The following CLSTN2 variants were observed in gnomAD, a reference collection of about 807,000 sequenced individuals.
CLSTN2 encodes the protein calsyntenin 2, also known as calsyntenin-2.
A neutral mutation model predicts 101.2 loss-of-function variants in CLSTN2; 48 were observed. The observed-to-expected ratio is 0.47, with a 90% CI of 0.38 to 0.60. CLSTN2 has a LOEUF of 0.60. Ranked by LOEUF, CLSTN2 falls within the 20% of genes least tolerant of loss-of-function variation. The pLI, the probability that CLSTN2 is intolerant of heterozygous loss-of-function variation, is 0.00. For synonymous variants in CLSTN2, 481 were observed against 463.6 expected (o/e 1.04, Z -0.48); for missense variants, 1,160 against 1,238.2 (o/e 0.94, Z 0.95).
intron 1 of CLSTN2, 87 bp from the exon 2 acceptor site, chr3:140,175,864 G>A (rs919266001): frequency 7.8e-7 from 1 of 1,289,198 alleles, no homozygotes; most frequent in African/African-American, 1.5e-5. Flanking sequence ...GTCTATGATT[G>A]GGCAAATATA....
rs2010675511 is a variant in CLSTN2 at position 140,198,415 on chromosome 3, C to T, written c.232+22342C>T. ...TGACTGGGCCCTCTGTTCACAGTCT[C>T]ACCCAGCTGAAAGAAAGGCTTTGGC... On this transcript the variant is annotated intron_variant, in intron 2 of 16. Coordinates refer to ENST00000458420, the MANE Select transcript of CLSTN2 (RefSeq NM_022131.3). Among the ~76,000 whole-genome samples, 3 of 152,296 alleles carry T rather than the reference C, an allele frequency of 2.0e-5. No individual in the cohort carries two copies. In the South Asian group the frequency reaches 6.2e-4, roughly 32 times the overall value.
intron 1 of CLSTN2, among the ~76,000 whole-genome samples, chr3:140,135,045 A>G (rs1397484030): frequency 4.2e-5 from 6 of 142,858 alleles, no homozygotes; most frequent in Non-Finnish European, 7.6e-5. Flanking sequence ...TTTCAAGAGG[A>G]TGTTTCACAT....
At chr3:139,970,399 TG>T (rs1935675648) in intron 1 of CLSTN2, among the ~76,000 whole-genome samples, 1 of 152,184 alleles carries the variant, frequency 6.6e-6, no homozygotes, top group Non-Finnish European at 1.5e-5. Context: ...CCACAGTACT[TG>T]GCATCATATC....
intron 1 of CLSTN2, among the ~76,000 whole-genome samples, chr3:140,005,309 A>C (rs928762140): frequency 3.3e-5 from 5 of 152,204 alleles, no homozygotes; most frequent in African/African-American, 1.2e-4. Context: ...CAGATCTTCC[A>C]CGCTTGTGTT....
intron 8 of CLSTN2, among the ~76,000 whole-genome samples, chr3:140,504,054 T>C (rs1262006061): frequency 2.0e-5 from 3 of 152,282 alleles, no homozygotes; most frequent in Middle Eastern, 6.8e-3. Context: ...CCCTCTAAAA[T>C]AGTCTTCAGT....
intron 2 of CLSTN2, among the ~76,000 whole-genome samples, chr3:140,217,237 G>T (rs1351318561): frequency 1.8e-5 from 2 of 113,680 alleles, no homozygotes; most frequent in Non-Finnish European, 3.7e-5. Flanking sequence ...TTAGAGAACA[G>T]TTTATTTTTA....
intron 2 of CLSTN2, among the ~76,000 whole-genome samples, chr3:140,233,192 T>C (rs918695694): frequency 2.0e-5 from 3 of 152,212 alleles, no homozygotes; most frequent in Admixed American, 6.5e-5. Flanking sequence ...TCTCTGGTTC[T>C]GCACTTGCAT....
At chr3:139,979,105 C>T (rs1334497261) in intron 1 of CLSTN2, among the ~76,000 whole-genome samples, 1 of 152,136 alleles carries the variant, frequency 6.6e-6, no homozygotes, top group African/African-American at 2.4e-5. Context: ...GCCTAGAGAA[C>T]TGTGAGAGCT....
At chr3:140,437,025 G>A (rs886817531) in intron 5 of CLSTN2, among the ~76,000 whole-genome samples, 10 of 149,960 alleles carry the variant, frequency 6.7e-5, no homozygotes, top group African/African-American at 2.5e-4. Flanking sequence ...AAGGAGCAGG[G>A]ACCTTCTACC....
At chr3:140,520,630 C>G (rs1023300857) in intron 8 of CLSTN2, among the ~76,000 whole-genome samples, 9 of 152,162 alleles carry the variant, frequency 5.9e-5, no homozygotes, top group Admixed American at 4.6e-4. Flanking sequence ...CACAGCCAAA[C>G]CATATCAAGA....
intron 2 of CLSTN2, among the ~76,000 whole-genome samples, chr3:140,324,008 C>T (rs191501157): frequency 4.1e-4 from 63 of 152,310 alleles, no homozygotes; most frequent in African/African-American, 1.5e-3. Context: ...AAATCCTCTA[C>T]CAAAGAAGAA....
chr3:140,150,342 T>C (rs56047746), intron 1 of CLSTN2, among the ~76,000 whole-genome samples: 25,675 of 152,130 alleles, frequency 0.17, 6,515 homozygotes, highest in African/African-American at 0.56. Flanking sequence ...TCTCACCAAG[T>C]CTCAGTTTCT....
intron 1 of CLSTN2, among the ~76,000 whole-genome samples, chr3:140,074,378 T>G (rs2008451075): frequency 6.6e-6 from 1 of 152,110 alleles, no homozygotes; most frequent in African/African-American, 2.4e-5. Context: ...CCCTCCATTC[T>G]GGGCAGCATG....
chr3:139,939,481 G>A (rs1406262715), intron 1 of CLSTN2, among the ~76,000 whole-genome samples: 1 of 152,180 alleles, frequency 6.6e-6, no homozygotes, highest in African/African-American at 2.4e-5. Context: ...GGACCACAAG[G>A]AAGCTGAGCT....
At chr3:140,420,792 AC>A (rs2088494663) in intron 4 of CLSTN2, among the ~76,000 whole-genome samples, 2 of 152,238 alleles carry the variant, frequency 1.3e-5, no homozygotes, top group Non-Finnish European at 2.9e-5. Context: ...CATCAGGGAC[AC>A]AATCACACGG....
At chr3:140,503,938 T>C (rs1473893585) in intron 8 of CLSTN2, among the ~76,000 whole-genome samples, 5 of 152,116 alleles carry the variant, frequency 3.3e-5, no homozygotes, top group African/African-American at 1.2e-4. Flanking sequence ...ATGAGGACCT[T>C]TGAGAGCCTG....
intron 5 of CLSTN2, among the ~76,000 whole-genome samples, chr3:140,434,667 G>A (rs544089055): frequency 3.3e-5 from 5 of 152,196 alleles, no homozygotes; most frequent in Non-Finnish European, 7.3e-5. Flanking sequence ...ATGGGAAGGA[G>A]CAGGGAACAG....
chr3:140,342,122 C>T (rs113962518), intron 2 of CLSTN2, among the ~76,000 whole-genome samples: 25 of 152,282 alleles, frequency 1.6e-4, no homozygotes, highest in Non-Finnish European at 2.6e-4. Context: ...AGATTCTTAC[C>T]AAGTTGCCCA....
At chr3:140,321,172 G>A (rs1164413597) in intron 2 of CLSTN2, among the ~76,000 whole-genome samples, 1 of 152,160 alleles carries the variant, frequency 6.6e-6, no homozygotes, top group Non-Finnish European at 1.5e-5. Flanking sequence ...TCTATTCTGG[G>A]CAGAGTGCAG....
Sources: gnomAD v4.1 joint callset for allele counts (sites outside exome capture counted in the v4.1 genomes callset) on GRCh38, gnomAD v4.1.1 for gene constraint, MANE v1.5 for transcripts, NCBI Gene and HGNC (gene_info 2026-07-23, HGNC 2026-07-21) for gene names.